TTC6: variants seen among roughly 807,000 people sequenced by gnomAD.
TTC6 encodes the protein tetratricopeptide repeat protein 6.
In TTC6, 172 loss-of-function variants were observed where a neutral mutation model predicts 210.4. The ratio of observed to expected loss-of-function variants is 0.82; its 90% CI spans 0.72 to 0.93. The LOEUF (loss-of-function observed/expected upper bound fraction) is 0.93. Among genes scored for constraint, TTC6 ranks in the 40% least tolerant of loss-of-function variants. The pLI is 0.00. For missense variants in TTC6, 2,414 were observed against 2,318.1 expected (o/e 1.04, Z -0.85); for synonymous variants, 804 against 819.6 (o/e 0.98, Z 0.32).
intron 1 of TTC6, among the ~76,000 whole-genome samples, chr14:37,641,493 A>G (rs2095691672): frequency 6.6e-6 from 1 of 152,154 alleles, no homozygotes; most frequent in Non-Finnish European, 1.5e-5. Context: ...TATGTGTTTC[A>G]TTTTTGGAGG....
At chr14:37,708,440 A>C (rs2095839255) in intron 5 of TTC6, among the ~76,000 whole-genome samples, 1 of 152,112 alleles carries the variant, frequency 6.6e-6, no homozygotes, top group Non-Finnish European at 1.5e-5. Flanking sequence ...TTTCCCAAAT[A>C]AAAAATACAG....
chr14:37,783,976 T>A (rs1307821805), intron 14 of TTC6, among the ~76,000 whole-genome samples: 1 of 152,240 alleles, frequency 6.6e-6, no homozygotes, highest in East Asian at 1.9e-4. Flanking sequence ...TCTAGTTTGA[T>A]TGCACTGTGG....
At chr14:37,604,781 C>T (rs1460314243) in intron 1 of TTC6, among the ~76,000 whole-genome samples, 2 of 152,138 alleles carry the variant, frequency 1.3e-5, no homozygotes, top group African/African-American at 2.4e-5. Flanking sequence ...AAGCAAGACT[C>T]TTGATTTCAC....
At chr14:37,742,340 A>T (rs1438041209) in intron 10 of TTC6, among the ~76,000 whole-genome samples, 1 of 151,992 alleles carries the variant, frequency 6.6e-6, no homozygotes, top group African/African-American at 2.4e-5. Flanking sequence ...TTTTCCTCCA[A>T]GCAGGAGTTG....
At chr14:37,673,434 G>C (rs1284988395) in intron 1 of TTC6, among the ~76,000 whole-genome samples, 3 of 152,160 alleles carry the variant, frequency 2.0e-5, no homozygotes, top group Non-Finnish European at 4.4e-5. Context: ...GCTTGACTAA[G>C]TGCTGATGAA....
chr14:37,807,745 A>C (rs2096121759), intron 23 of TTC6, among the ~76,000 whole-genome samples: 1 of 152,140 alleles, frequency 6.6e-6, no homozygotes, highest in Admixed American at 6.6e-5. Context: ...AAGGGAATAA[A>C]GGATTATTAT....
chr14:37,620,835 G>A (rs1261393171), upstream of TTC6, among the ~76,000 whole-genome samples: 1 of 152,122 alleles, frequency 6.6e-6, no homozygotes, highest in Non-Finnish European at 1.5e-5. Flanking sequence ...TCATTGGCCA[G>A]GTCCTGTCAG....
chr14:37,782,978 C>G (rs904056369), intron 14 of TTC6, among the ~76,000 whole-genome samples: 5 of 152,018 alleles, frequency 3.3e-5, no homozygotes, highest in African/African-American at 9.7e-5. Flanking sequence ...GGGATGAAGC[C>G]CACTTGAACA....
intron 2 of TTC6, among the ~76,000 whole-genome samples, chr14:37,616,739 C>CA (rs11416796): frequency 0.34 from 33,386 of 97,890 alleles, 4,934 homozygotes; most frequent in Middle Eastern, 0.43. Context: ...TACTCCATCT[C>CA]AAAAAAAAAA....
chr14:37,696,747 G>A, exon 4 of TTC6: 1 of 1,466,856 alleles, frequency 6.8e-7, no homozygotes, highest in Non-Finnish European at 9.0e-7. Flanking sequence ...GCAAATCGAA[G>A]GAAAAGAAAT....
intron 5 of TTC6, among the ~76,000 whole-genome samples, chr14:37,711,703 A>G (rs2095845007): frequency 1.3e-5 from 2 of 152,108 alleles, no homozygotes; most frequent in Non-Finnish European, 2.9e-5. Context: ...CTGTGTGTGT[A>G]GTCAGTGAGA....
intron 1 of TTC6, among the ~76,000 whole-genome samples, chr14:37,635,727 C>T (rs983165731): frequency 2.6e-5 from 4 of 151,740 alleles, no homozygotes; most frequent in Admixed American, 2.6e-4. Context: ...GCCTGTAATC[C>T]CAGCACTTTG....
At chr14:37,696,472 A>G (rs890818332) in intron 3 of TTC6, among the ~76,000 whole-genome samples, 2 of 152,180 alleles carry the variant, frequency 1.3e-5, no homozygotes, top group African/African-American at 2.4e-5. Context: ...TTATTCTTCA[A>G]TAATTTTAAG....
At chr14:37,725,312 GTA>G (rs1169644241) in intron 7 of TTC6, among the ~76,000 whole-genome samples, 438 of 33,830 alleles carry the variant, frequency 0.013, 1 homozygote, top group South Asian at 0.036. Flanking sequence ...GTGTGTGTGT[GTA>G]TATATATATA....
intron 26 of TTC6, 109 bp downstream of exon 28, chr14:37,817,760 G>T: frequency 8.9e-7 from 1 of 1,118,096 alleles, no homozygotes. Context: ...GGGAGAAATT[G>T]TGAATGTTAT....
chr14:37,739,996 T>C (rs1485809311), intron 10 of TTC6, among the ~76,000 whole-genome samples: 1 of 151,828 alleles, frequency 6.6e-6, no homozygotes, highest in Non-Finnish European at 1.5e-5. Context: ...ACCCCGTCTC[T>C]ACTAAAAATA....
At chr14:37,816,635 G>C (rs569391618) in intron 25 of TTC6, among the ~76,000 whole-genome samples, 1 of 152,100 alleles carries the variant, frequency 6.6e-6, no homozygotes, top group South Asian at 2.1e-4. Context: ...ATAGATTCAG[G>C]ACTCTTTCAG....
intron 2 of TTC6, among the ~76,000 whole-genome samples, chr14:37,615,675 G>A (rs184050061): frequency 2.6e-5 from 4 of 151,504 alleles, no homozygotes; most frequent in South Asian, 2.1e-4. Context: ...TTACTTCATT[G>A]AGCATAGTTA....
chr14:37,793,057 T>G (rs1252101670), intron 17 of TTC6, among the ~76,000 whole-genome samples: 1 of 152,146 alleles, frequency 6.6e-6, no homozygotes, highest in Non-Finnish European at 1.5e-5. Flanking sequence ...CCCTTCAAAG[T>G]AGACACCCAT....
Sources: allele counts gnomAD v4.1 joint callset (sites outside exome capture counted in the v4.1 genomes callset), GRCh38; gene constraint gnomAD v4.1.1; transcripts MANE v1.5; gene names NCBI Gene and HGNC (gene_info 2026-07-23, HGNC 2026-07-21).